Variants in PTPRT observed in about 807,000 individuals in gnomAD.
PTPRT encodes protein tyrosine phosphatase receptor type T.
Under a neutral mutation model 176.8 loss-of-function variants are expected in PTPRT, and 56 were observed. The ratio of observed to expected loss-of-function variants is 0.32; its 90% confidence interval spans 0.26 to 0.40. PTPRT has a LOEUF of 0.40. Ranked by LOEUF, PTPRT falls within the 10% of genes least tolerant of loss-of-function variation. PTPRT has a pLI of 1.00. For missense variants in PTPRT, 1,540 were observed against 1,908.2 expected (o/e 0.81, Z 3.60); for synonymous variants, 783 against 739.0 (o/e 1.06, Z -0.96).
At chr20:42,370,429 A>T (rs549383127) in intron 9 of PTPRT, among the ~76,000 whole-genome samples, 2 of 152,110 alleles carry the variant, frequency 1.3e-5, no homozygotes, top group Non-Finnish European at 2.9e-5. Context: ...GGGCCTTTTC[A>T]TCAGAGGACG....
intron 1 of PTPRT, among the ~76,000 whole-genome samples, chr20:42,967,059 T>C (rs947836735): frequency 2.6e-5 from 4 of 152,210 alleles, no homozygotes; most frequent in Admixed American, 2.6e-4. Flanking sequence ...GATATGACTC[T>C]TTAGCAGACG....
intron 19 of PTPRT, 96 bp from the exon 20 acceptor site, chr20:42,120,067 C>T: frequency 8.7e-7 from 1 of 1,152,084 alleles, no homozygotes; most frequent in East Asian, 2.6e-5. Flanking sequence ...TTGATTTTCT[C>T]ATGGGCAAAA....
chr20:42,967,234 C>T (rs890184124), intron 1 of PTPRT, among the ~76,000 whole-genome samples: 3 of 152,094 alleles, frequency 2.0e-5, no homozygotes, highest in African/African-American at 7.2e-5. Flanking sequence ...ATCTCTTGAA[C>T]GTGTGAATCT....
intron 17 of PTPRT, among the ~76,000 whole-genome samples, chr20:42,156,727 C>T (rs1989371491): frequency 6.6e-6 from 1 of 152,214 alleles, no homozygotes; most frequent in Non-Finnish European, 1.5e-5. Flanking sequence ...TTGTAACATA[C>T]ACCATGTGTT....
chr20:42,168,490 T>C (rs948125960), intron 16 of PTPRT, among the ~76,000 whole-genome samples: 1 of 152,180 alleles, frequency 6.6e-6, no homozygotes, highest in Non-Finnish European at 1.5e-5. Flanking sequence ...AGGCTCAAGA[T>C]AATAAACTTG....
At chr20:42,115,356 A>T (rs765174067) in intron 21 of PTPRT, 41 bp from the exon 22 acceptor site, 17 of 1,447,918 alleles carry the variant, frequency 1.2e-5, no homozygotes, top group Non-Finnish European at 6.8e-6. Flanking sequence ...CAGAACAGAG[A>T]CAAGGATGCA....
intron 2 of PTPRT, among the ~76,000 whole-genome samples, chr20:42,876,572 A>G (rs912389724): frequency 6.6e-6 from 1 of 152,126 alleles, no homozygotes; most frequent in African/African-American, 2.4e-5. Context: ...GCCCATCCTG[A>G]CCAAAGCCTC....
chr20:42,645,787 T>C (rs563938054), intron 7 of PTPRT, among the ~76,000 whole-genome samples: 1 of 151,740 alleles, frequency 6.6e-6, no homozygotes, highest in East Asian at 1.9e-4. Flanking sequence ...TGTGTGTGTG[T>C]GTGTGTGTGT....
At chr20:42,488,442 C>T (rs1043080244) in intron 7 of PTPRT, among the ~76,000 whole-genome samples, 2 of 152,166 alleles carry the variant, frequency 1.3e-5, no homozygotes, top group African/African-American at 4.8e-5. Flanking sequence ...CTGATGGGCA[C>T]TACGTATTTT....
At chr20:42,997,800 C>G (rs1046131550) in intron 1 of PTPRT, among the ~76,000 whole-genome samples, 4 of 152,110 alleles carry the variant, frequency 2.6e-5, no homozygotes, top group Non-Finnish European at 4.4e-5. Flanking sequence ...CAAAGTCACA[C>G]AGCTAATAAA....
intron 6 of PTPRT, among the ~76,000 whole-genome samples, chr20:42,697,343 C>T (rs1188548303): frequency 6.6e-6 from 1 of 152,238 alleles, no homozygotes; most frequent in Non-Finnish European, 1.5e-5. Flanking sequence ...TGTGTCCAAA[C>T]ATTTGGTTAA....
At chr20:42,543,963 T>C (rs371008811) in intron 7 of PTPRT, among the ~76,000 whole-genome samples, 1 of 152,190 alleles carries the variant, frequency 6.6e-6, no homozygotes, top group Non-Finnish European at 1.5e-5. Context: ...TAAACAAATG[T>C]GCTGTCATCC....
intron 8 of PTPRT, among the ~76,000 whole-genome samples, chr20:42,470,997 G>C (rs1049518732): frequency 1.3e-5 from 2 of 152,046 alleles, no homozygotes. Flanking sequence ...TGAGTTACTA[G>C]GTGCAGTTCA....
At chr20:42,275,450 T>C (rs2057012950) in intron 13 of PTPRT, among the ~76,000 whole-genome samples, 1 of 152,172 alleles carries the variant, frequency 6.6e-6, no homozygotes, top group Non-Finnish European at 1.5e-5. Context: ...TTATTTCTAG[T>C]TGAGAAAGAT....
In PTPRT at chr20:42,080,945, G is replaced by C; in HGVS notation, c.4273-13C>G. 1 of 1,576,422 alleles carries C rather than the reference G, an allele frequency of 6.3e-7. No homozygotes were observed. Among genetic ancestry groups the C allele is most frequent in the Non-Finnish European group, 8.7e-7 (1 of 1,146,332 alleles). On this transcript the variant is annotated splice_polypyrimidine_tract_variant and intron_variant, in intron 30 of 30. Transcript: ENST00000373187. ...ATTTATACTGTTCCTGAGAGGCGGA[G>C]AGGAGCAGAGGCAGAGAGGGAGAAG... is the stretch of plus-strand genomic sequence containing the variant.
At chr20:42,348,893 T>G (rs1314165935) in intron 11 of PTPRT, among the ~76,000 whole-genome samples, 5 of 152,152 alleles carry the variant, frequency 3.3e-5, no homozygotes. Context: ...TTATCCCTCC[T>G]CATAATTTGT....
intron 7 of PTPRT, among the ~76,000 whole-genome samples, chr20:42,650,935 G>A (rs2075018405): frequency 6.6e-6 from 1 of 151,998 alleles, no homozygotes; most frequent in South Asian, 2.1e-4. Flanking sequence ...GAATTCTTGA[G>A]GAAGTGCATA....
At chr20:42,714,692 G>A (rs1389881617) in intron 6 of PTPRT, among the ~76,000 whole-genome samples, 1 of 152,194 alleles carries the variant, frequency 6.6e-6, no homozygotes, top group Non-Finnish European at 1.5e-5. Flanking sequence ...TGAGACTCAT[G>A]TTTGTCTTGG....
intron 13 of PTPRT, among the ~76,000 whole-genome samples, chr20:42,253,132 C>G (rs1331490959): frequency 6.6e-6 from 1 of 152,136 alleles, no homozygotes; most frequent in Non-Finnish European, 1.5e-5. Flanking sequence ...GAGGGATGGA[C>G]AGAGGATGGG....
Sources: allele counts gnomAD v4.1 joint callset (sites outside exome capture counted in the v4.1 genomes callset), GRCh38; gene constraint gnomAD v4.1.1; transcripts MANE v1.5; gene names NCBI Gene and HGNC (gene_info 2026-07-23, HGNC 2026-07-21).